Variants in REDIC1 observed in about 807,000 individuals in gnomAD.
The protein encoded by REDIC1 is HEI10 Interacting Protein 1.
the REDIC1 span, among the ~76,000 whole-genome samples, chr12:39,711,636 T>TACACATGC: frequency 8.2e-5 from 1 of 12,178 alleles, no homozygotes; most frequent in African/African-American, 1.2e-4. Flanking sequence ...CGTATGTGTA[T>TACACATGC]ATGTGTATAC....
the REDIC1 span, among the ~76,000 whole-genome samples, chr12:39,786,792 C>T: frequency 6.6e-6 from 1 of 152,078 alleles, no homozygotes; most frequent in African/African-American, 2.4e-5. Flanking sequence ...TATTTAAATC[C>T]CCTCTCTCCT....
the REDIC1 span, among the ~76,000 whole-genome samples, chr12:39,691,372 T>C: frequency 1.3e-5 from 2 of 152,264 alleles, no homozygotes; most frequent in Non-Finnish European, 2.9e-5. Flanking sequence ...AAAATTTTTA[T>C]AAGCCCATGA....
the REDIC1 span, among the ~76,000 whole-genome samples, chr12:39,712,082 A>G: frequency 2.8e-5 from 4 of 144,080 alleles, no homozygotes; most frequent in Admixed American, 2.8e-4. Flanking sequence ...ACCGGTATGT[A>G]TATATACATA....
the REDIC1 span, among the ~76,000 whole-genome samples, chr12:39,730,443 C>T: frequency 6.6e-6 from 1 of 152,154 alleles, no homozygotes; most frequent in Admixed American, 6.5e-5. Context: ...ATATGAAATT[C>T]TGGGTTGAAA....
At chr12:39,881,482 T>G in the REDIC1 span, among the ~76,000 whole-genome samples, 1 of 152,164 alleles carries the variant, frequency 6.6e-6, no homozygotes, top group Non-Finnish European at 1.5e-5. Context: ...CAGACAACAC[T>G]TTTCACCTCG....
At chr12:39,885,933 G>A in the REDIC1 span, among the ~76,000 whole-genome samples, 1 of 152,166 alleles carries the variant, frequency 6.6e-6, no homozygotes, top group Non-Finnish European at 1.5e-5. Context: ...TTGTGACCCA[G>A]TTTGTATAGA....
At chr12:39,677,161 A>G in the REDIC1 span, among the ~76,000 whole-genome samples, 3 of 152,150 alleles carry the variant, frequency 2.0e-5, no homozygotes, top group African/African-American at 7.2e-5. Context: ...AGAATGAATA[A>G]AAATCCATCC....
the REDIC1 span, among the ~76,000 whole-genome samples, chr12:39,887,377 A>T: frequency 6.6e-6 from 1 of 152,208 alleles, no homozygotes; most frequent in African/African-American, 2.4e-5. Flanking sequence ...GAGCACAGCC[A>T]GTCCTACAGC....
At chr12:39,731,437 A>T in the REDIC1 span, among the ~76,000 whole-genome samples, 1 of 152,102 alleles carries the variant, frequency 6.6e-6, no homozygotes, top group African/African-American at 2.4e-5. Flanking sequence ...AGTTTGCTGG[A>T]GGTCCACTCC....
At chr12:39,774,752 G>A in the REDIC1 span, among the ~76,000 whole-genome samples, 1 of 151,890 alleles carries the variant, frequency 6.6e-6, no homozygotes, top group African/African-American at 2.4e-5. Flanking sequence ...TAGAAATTTG[G>A]AGCAAAAAGC....
chr12:39,665,058 C>A, the REDIC1 span, among the ~76,000 whole-genome samples: 6 of 152,144 alleles, frequency 3.9e-5, no homozygotes, highest in African/African-American at 4.8e-5. Context: ...TTTTGCTGTG[C>A]AGAAGCTCTT....
the REDIC1 span, among the ~76,000 whole-genome samples, chr12:39,899,280 C>T: frequency 0.022 from 3,381 of 151,992 alleles, 125 homozygotes; most frequent in African/African-American, 0.077. Context: ...GAGGTGTTTG[C>T]AGTATTCTCT....
At chr12:39,640,238 C>CG in the REDIC1 span, among the ~76,000 whole-genome samples, 1 of 151,660 alleles carries the variant, frequency 6.6e-6, no homozygotes, top group African/African-American at 2.4e-5. Context: ...AAAGAGGCTA[C>CG]GTAGAGTCAG....
At chr12:39,903,777 T>G in the REDIC1 span, among the ~76,000 whole-genome samples, 3 of 152,126 alleles carry the variant, frequency 2.0e-5, no homozygotes. Context: ...TGTTCAGTTA[T>G]GAGAATCAAA....
chr12:39,650,358 A>G, the REDIC1 span: 36 of 1,607,056 alleles, frequency 2.2e-5, no homozygotes, highest in Non-Finnish European at 2.8e-5. This position sits in a 1 kb window ranked among gnomAD's most constrained non-coding sequence, Gnocchi z 4.3. Flanking sequence ...TAAACAGGTA[A>G]GCAAAGATGC....
chr12:39,692,412 A>G, the REDIC1 span, among the ~76,000 whole-genome samples: 2 of 151,946 alleles, frequency 1.3e-5, no homozygotes, highest in Admixed American at 6.6e-5. Context: ...ATTGTATTTC[A>G]TATCCTGCCC....
At chr12:39,793,007 CA>C in the REDIC1 span, among the ~76,000 whole-genome samples, 1 of 152,080 alleles carries the variant, frequency 6.6e-6, no homozygotes, top group African/African-American at 2.4e-5. Flanking sequence ...GACTGGTTAA[CA>C]AAATCTTTCA....
chr12:39,729,547 T>C, the REDIC1 span, among the ~76,000 whole-genome samples: 11 of 152,238 alleles, frequency 7.2e-5, no homozygotes, highest in Admixed American at 3.9e-4. Flanking sequence ...TTTCCATTCT[T>C]TTGCATTTGC....
the REDIC1 span, among the ~76,000 whole-genome samples, chr12:39,896,352 GTATA>G: frequency 2.2e-5 from 2 of 90,896 alleles, no homozygotes; most frequent in African/African-American, 1.0e-4. Context: ...ATATATGTAT[GTATA>G]TGTGTATATA....
Sources: allele counts gnomAD v4.1 joint callset (sites outside exome capture counted in the v4.1 genomes callset), GRCh38; gene constraint gnomAD v4.1.1; non-coding constraint Gnocchi (gnomAD v3.1); transcripts MANE v1.5; gene names NCBI Gene and HGNC (gene_info 2026-07-23, HGNC 2026-07-21).